Variants in LRRC32 observed in about 807,000 individuals in gnomAD.
LRRC32 encodes leucine rich repeat containing 32, also known as transforming growth factor beta activator LRRC32.
Under a neutral mutation model 15.0 loss-of-function variants are expected in LRRC32, and 5 were observed. That is an observed-to-expected ratio of 0.33 (90% CI 0.17 to 0.70). The LOEUF (loss-of-function observed/expected upper bound fraction) is 0.70. LRRC32 is among the 30% of genes least tolerant of loss of function. LRRC32 has a pLI of 0.66. For synonymous variants in LRRC32, 391 were observed against 403.9 expected, an observed-to-expected ratio of 0.97 and a Z score of 0.38; for missense variants, 803 against 854.2, an observed-to-expected ratio of 0.94 and a Z score of 0.75.
chr11:76,665,373 G>T (rs1276727040), intron 2 of LRRC32, among the ~76,000 whole-genome samples: 1 of 152,102 alleles, frequency 6.6e-6, no homozygotes, highest in Non-Finnish European at 1.5e-5. Context: ...CCTGGAGATG[G>T]CAGCATTTGA....
At position 76,659,594 on chromosome 11, in the gene LRRC32, C is replaced by T. The variant is rs1475651743; in HGVS notation, c.*10G>A. On this transcript the variant is annotated 3_prime_UTR_variant, in exon 3 of 3. Transcript: ENST00000260061. ...GCTCCCCCACTGACCTAGAGTGTCT[C>T]CCGGCTTCTTTAGGCTTTATACTGT... 6.2e-7 allele frequency: 1 copy of T among 1,611,476 alleles called. No individual in the cohort carries two copies. The highest frequency in any genetic ancestry group is 8.5e-7 in the Non-Finnish European group (1 of 1,178,372).
chr11:76,660,875 G>A lies in LRRC32; in HGVS notation c.718C>T (p.Gln240Ter), dbSNP rs562738811. 3 of 1,614,094 alleles carry A rather than the reference G, an allele frequency of 1.9e-6. No individual in the cohort carries two copies. In the African/African-American group the frequency reaches 4.0e-5, roughly 22 times the overall value. ...AGCCAGGTGAGCTGGAACTCAGCCT[G>A]GGGCTGGGAGGCCGTCTGAAAGGCC... is the stretch of plus-strand genomic sequence containing the variant. ...IEAFQTASQP[Q>*]AEFQLTWLDL... Residue 240 changes from glutamine to a stop codon, truncating the protein, a stop_gained, in exon 3 of 3, where the codon CAG becomes TAG. Transcript: ENST00000260061. LOFTEE classifies it low-confidence loss of function (END_TRUNC).
chr11:76,668,895 T>C (rs1022525224), intron 1 of LRRC32, among the ~76,000 whole-genome samples: 4 of 152,204 alleles, frequency 2.6e-5, no homozygotes, highest in Admixed American at 6.5e-5. Flanking sequence ...TGTCCTGGCA[T>C]CTGACGGGAA....
chr11:76,669,237 G>C (rs1415908115), intron 1 of LRRC32, among the ~76,000 whole-genome samples: 1 of 152,184 alleles, frequency 6.6e-6, no homozygotes, highest in Non-Finnish European at 1.5e-5. Flanking sequence ...AGCATCCCAG[G>C]TGAGGTGTGC....
chr11:76,659,669 G>A lies in LRRC32; in HGVS notation c.1924C>T (p.Leu642Phe). The change falls in exon 3 of 3, where the codon CTC (leucine) becomes TTC (phenylalanine). Residue 642 changes from leucine (L) to phenylalanine (F), a missense_variant. Leu to Phe is a conservative substitution (Grantham distance 22, BLOSUM62 0). Transcript: ENST00000260061. ...LTFILVSAIL[L>F]TTLAACCCVR... ...CAGCAGCAGGCGGCCAGCGTGGTGAGGAGGATGGCAGAGACCAGTATGAAG... is the reference window on the plus strand; with the variant it reads ...CAGCAGCAGGCGGCCAGCGTGGTGAAGAGGATGGCAGAGACCAGTATGAAG... 1 of 1,614,236 alleles carries A rather than the reference G, an allele frequency of 6.2e-7. No homozygotes were observed. Among genetic ancestry groups the A allele is most frequent in the Non-Finnish European group, 8.5e-7 (1 of 1,180,046 alleles).
intron 2 of LRRC32, among the ~76,000 whole-genome samples, chr11:76,664,779 G>A (rs527720405): frequency 6.6e-6 from 1 of 152,252 alleles, no homozygotes; most frequent in East Asian, 1.9e-4. Context: ...TCTGAGCCTC[G>A]TCTCCCTGAG....
Position 76,659,811 on chromosome 11 carries a change from G to A in LRRC32, c.1782C>T (p.Ala594=). ...QLHQGRVDVD[A]TQDLICRFSS... ...TGAAGCGGCAGATCAGGTCCTGGGT[G>A]GCGTCCACGTCCACACGGCCCTGGT... The change falls in exon 3 of 3, where the codon GCC becomes GCT. Residue 594 remains alanine, a synonymous_variant. Coordinates refer to ENST00000260061, the MANE Select transcript of LRRC32 (RefSeq NM_001128922.2). 6.2e-7 allele frequency: 1 copy of A among 1,614,216 alleles called. No individual in the cohort carries two copies. The highest frequency in any genetic ancestry group is 8.5e-7 in the Non-Finnish European group (1 of 1,180,044).
At chr11:76,670,496 G>A (rs757566226) in intron 1 of LRRC32, 118 bp downstream of exon 1, 12 of 152,254 alleles carry the variant, frequency 7.9e-5, no homozygotes, top group Non-Finnish European at 1.6e-4. Flanking sequence ...TGGGGATGGC[G>A]GGAGGGGAGT....
rs781713288 is a variant in LRRC32 at position 76,660,766 on chromosome 11, A to C, written c.827T>G (p.Leu276Arg). ...RLIYLNLSNN[L>R]IRLPTGPPQD... is the part of the protein sequence containing the mutation. ...GGGTGGCCCTGTGGGGAGCCGGATG[A>C]GGTTGTTGGACAAGTTCAGGTAGAT... is the stretch of plus-strand genomic sequence containing the variant. Residue 276 changes from leucine (L) to arginine (R), a missense_variant, in exon 3 of 3, where the codon CTC becomes CGC. By Grantham distance (102) the Leu-to-Arg change is moderately radical. Coordinates refer to ENST00000260061, the MANE Select transcript of LRRC32 (RefSeq NM_001128922.2). The C allele has an allele frequency of 5.0e-6, 8 of 1,613,786 alleles. 1 individual carries two copies. The South Asian group carries it at 7.7e-5, about 16-fold the overall frequency.
rs1273115573 is a variant in LRRC32 at position 76,665,858 on chromosome 11, C to A, written c.84+13G>T. The stretch of plus-strand genomic sequence containing the variant: ...GGGGGTGGTCCTCACCCTGTCTGGG[C>A]AGAGCATCTTACCATCTTACAGGGC... On this transcript the variant is annotated intron_variant, in intron 2 of 2. Transcript: ENST00000260061. 6.2e-7 allele frequency: 1 copy of A among 1,613,990 alleles called. No homozygotes were observed. Among genetic ancestry groups the A allele is most frequent in the Admixed American group, 1.7e-5 (1 of 60,012 alleles).
rs1952486584 is a variant in LRRC32, at chr11:76,660,093, G to A, written c.1500C>T (p.Gly500=). 3.1e-6 allele frequency: 5 copies of A among 1,614,048 alleles called. No homozygotes were observed. The highest frequency in any genetic ancestry group is 4.2e-6 in the Non-Finnish European group (5 of 1,179,996). Residue 500 remains glycine (G), a synonymous_variant, in exon 3 of 3, where the codon GGC becomes GGT. Coordinates refer to ENST00000260061, the MANE Select transcript of LRRC32 (RefSeq NM_001128922.2). ...EASLEVLALQ[G]NGLMVLQVDL... ...CCACCTGCAGGACCATCAGCCCGTT[G>A]CCCTGCAGTGCCAGGACCTCCAAGG...
Position 76,659,800 on chromosome 11 carries a change from A to G in LRRC32, c.1793T>C (p.Leu598Pro). The change falls in exon 3 of 3, where the codon CTG becomes CCG. Residue 598 changes from leucine to proline, a missense_variant. By Grantham distance (98) the Leu-to-Pro change is moderately conservative. Transcript: ENST00000260061. ...GRVDVDATQDLICRFSSQEEV... is the reference protein window; with the variant it reads ...GRVDVDATQDPICRFSSQEEV... Reference sequence around the variant, plus strand: ...CTCCTGGGAGCTGAAGCGGCAGATCAGGTCCTGGGTGGCGTCCACGTCCAC... The same window carrying G: ...CTCCTGGGAGCTGAAGCGGCAGATCGGGTCCTGGGTGGCGTCCACGTCCAC... 1 of 1,614,212 alleles carries G rather than the reference A, an allele frequency of 6.2e-7. No individual in the cohort carries two copies. The highest frequency in any genetic ancestry group is 8.5e-7 in the Non-Finnish European group (1 of 1,180,032).
intron 1 of LRRC32, among the ~76,000 whole-genome samples, chr11:76,666,922 G>A (rs752438937): frequency 1.4e-4 from 21 of 152,234 alleles, no homozygotes; most frequent in Non-Finnish European, 2.8e-4. Context: ...TACAGACAGA[G>A]AGTCTTAAAG....
At chr11:76,669,382 TGTGTGAGA>T (rs1238942524) in intron 1 of LRRC32, among the ~76,000 whole-genome samples, 39 of 146,176 alleles carry the variant, frequency 2.7e-4, no homozygotes, top group African/African-American at 3.6e-4. Flanking sequence ...TGTGTGTGTG[TGTGTGAGA>T]GAGAGAGAGA....
rs751596693 is a variant in LRRC32 at position 76,660,291 on chromosome 11, G to T, written c.1302C>A (p.Ser434=). Residue 434 remains serine (S), a synonymous_variant, in exon 3 of 3, where the codon TCC becomes TCA. Transcript: ENST00000260061. The part of the protein sequence containing the change: ...PCGGPDEPGP[S]GCVAFSGITS... ...TGATGCCGGAGAAGGCCACACAGCC[G>T]GAGGGGCCAGGCTCATCTGGCCCCC... The T allele has an allele frequency of 1.9e-6, 3 of 1,584,506 alleles. No individual in the cohort carries two copies. The highest frequency in any genetic ancestry group is 2.6e-6 in the Non-Finnish European group (3 of 1,167,568).
chr11:76,668,225 A>G (rs888189416), intron 1 of LRRC32, among the ~76,000 whole-genome samples: 5 of 152,064 alleles, frequency 3.3e-5, no homozygotes, highest in Non-Finnish European at 7.4e-5. Flanking sequence ...CCCTTCACCC[A>G]TCCATGCCGT....
chr11:76,668,387 A>G (rs1256355663), intron 1 of LRRC32, among the ~76,000 whole-genome samples: 1 of 152,068 alleles, frequency 6.6e-6, no homozygotes, highest in Non-Finnish European at 1.5e-5. Context: ...AGCCAGAGTG[A>G]TAATATAAAA....
chr11:76,670,408 G>A (rs1952692699), intron 1 of LRRC32, among the ~76,000 whole-genome samples: 1 of 152,344 alleles, frequency 6.6e-6, no homozygotes. Flanking sequence ...CCCCTTTGCG[G>A]GAAAGATCCG....
intron 1 of LRRC32, 49 bp downstream of exon 1, chr11:76,670,565 A>T (rs1454284671): frequency 3.9e-5 from 6 of 152,068 alleles, no homozygotes; most frequent in African/African-American, 1.4e-4. Flanking sequence ...GGCGCGCGAC[A>T]GTGCGCCCCC....
Sources: allele counts gnomAD v4.1 joint callset (sites outside exome capture counted in the v4.1 genomes callset), GRCh38; gene constraint gnomAD v4.1.1; transcripts MANE v1.5; gene names NCBI Gene and HGNC (gene_info 2026-07-23, HGNC 2026-07-21).